ANXA11: variants seen among roughly 807,000 people sequenced by gnomAD.
ANXA11 encodes the protein 56 kDa autoantigen.
In ANXA11, 57 loss-of-function variants were observed where a neutral mutation model predicts 64.7. The observed-to-expected ratio is 0.88, with a 90% CI of 0.71 to 1.10. The LOEUF (loss-of-function observed/expected upper bound fraction) is 1.10, where lower values mean the gene tolerates loss of function less well. ANXA11 is among the 50% of genes least tolerant of loss of function. The pLI is 0.00. For synonymous variants in ANXA11, 260 were observed against 265.2 expected (o/e 0.98, Z 0.19); for missense variants, 675 against 670.7 (o/e 1.01, Z -0.07).
chr10:80,163,805 G>T (rs1233347420), intron 9 of ANXA11, among the ~76,000 whole-genome samples, 192 bp from the exon 10 acceptor site: 1 of 152,196 alleles, frequency 6.6e-6, no homozygotes, highest in Non-Finnish European at 1.5e-5. Context: ...CTGGCCTCTA[G>T]TCAGCCTTGG....
chr10:80,161,171 G>C (rs965066468), intron 12 of ANXA11, among the ~76,000 whole-genome samples: 1 of 152,104 alleles, frequency 6.6e-6, no homozygotes, highest in Non-Finnish European at 1.5e-5. Flanking sequence ...GTCATCAGCA[G>C]GGCCCTCTCC....
intron 9 of ANXA11, 28 bp downstream of exon 9, chr10:80,164,025 G>A (rs1297645643): frequency 6.3e-7 from 1 of 1,591,052 alleles, no homozygotes; most frequent in South Asian, 1.1e-5. Context: ...AGAGGGCAGA[G>A]GGCAGAGGGC....
intron 1 of ANXA11, among the ~76,000 whole-genome samples, chr10:80,183,618 C>T (rs1846434504): frequency 6.6e-6 from 1 of 152,242 alleles, no homozygotes; most frequent in Non-Finnish European, 1.5e-5. Context: ...ACCTGACATC[C>T]CCTCACAGTG....
At chr10:80,193,222 A>G (rs1320104896) in intron 1 of ANXA11, among the ~76,000 whole-genome samples, 1 of 152,264 alleles carries the variant, frequency 6.6e-6, no homozygotes, top group Non-Finnish European at 1.5e-5. Context: ...TTATGGTCAC[A>G]ATAATGCATA....
chr10:80,201,474 T>C (rs1840419096), intron 1 of ANXA11, among the ~76,000 whole-genome samples: 1 of 152,150 alleles, frequency 6.6e-6, no homozygotes, highest in Non-Finnish European at 1.5e-5. Flanking sequence ...GCTTATTTGG[T>C]ATCTCAAAGA....
chr10:80,158,516 A>G (rs1446061723), intron 13 of ANXA11, among the ~76,000 whole-genome samples: 1 of 152,092 alleles, frequency 6.6e-6, no homozygotes, highest in Admixed American at 6.5e-5. Context: ...AGAAAGCTCC[A>G]AAAAAAGCAT....
At chr10:80,171,136 G>A in intron 3 of ANXA11, 1 of 1,461,836 alleles carries the variant, frequency 6.8e-7, no homozygotes, top group Non-Finnish European at 9.0e-7. Flanking sequence ...GGAGGAAGGT[G>A]GAGTTCCCCA....
intron 6 of ANXA11, 22 bp from the exon 7 acceptor site, chr10:80,167,006 G>T: frequency 1.3e-6 from 2 of 1,544,914 alleles, no homozygotes; most frequent in Non-Finnish European, 1.8e-6. Flanking sequence ...GGCAGCAGGG[G>T]TGGGTCGGGT....
At chr10:80,179,305 T>A (rs1041378793) in intron 1 of ANXA11, among the ~76,000 whole-genome samples, 2 of 152,158 alleles carry the variant, frequency 1.3e-5, no homozygotes, top group Non-Finnish European at 2.9e-5. Flanking sequence ...ATGCTTTCCC[T>A]CACTTGGAGA....
chr10:80,184,103 A>G (rs1846450558), intron 1 of ANXA11, among the ~76,000 whole-genome samples: 1 of 152,158 alleles, frequency 6.6e-6, no homozygotes, highest in Admixed American at 6.5e-5. Flanking sequence ...TTCAACAATT[A>G]TCACCTCAAG....
chr10:80,155,967 C>G, intron 15 of ANXA11, 55 bp from the exon 16 acceptor site: 1 of 1,559,858 alleles, frequency 6.4e-7, no homozygotes, highest in Non-Finnish European at 8.8e-7. Context: ...CACTTTCAGC[C>G]TTCTGGGTCC....
intron 1 of ANXA11, among the ~76,000 whole-genome samples, chr10:80,186,917 C>T (rs1846562614): frequency 6.6e-6 from 1 of 152,228 alleles, no homozygotes; most frequent in Non-Finnish European, 1.5e-5. Flanking sequence ...AACAGGCTCA[C>T]ATAAGAGCCA....
rs1845159184 is a variant in ANXA11, at chr10:80,151,649, C to T, written c.*4204G>A. On this transcript the variant is annotated 3_prime_UTR_variant, in exon 16 of 16. Coordinates refer to ENST00000422982, the MANE Select transcript of ANXA11 (RefSeq NM_145868.2). Reference sequence around the variant, plus strand: ...CCACCACTTTGACCGTGGGCACCTGCAAAGGTTCATCTTTCAGCTCCCTCT... The same window carrying T: ...CCACCACTTTGACCGTGGGCACCTGTAAAGGTTCATCTTTCAGCTCCCTCT... The T allele has an allele frequency of 6.6e-6, 1 of 152,200 alleles. No homozygotes were observed. The highest frequency in any genetic ancestry group is 2.1e-4 in the South Asian group (1 of 4,826). The allele number at this position is 152,200 out of a possible 1,614,324, so 9.4% of individuals were successfully genotyped here.
At chr10:80,182,019 C>G (rs1453912096) in intron 1 of ANXA11, among the ~76,000 whole-genome samples, 3 of 152,192 alleles carry the variant, frequency 2.0e-5, no homozygotes, top group Admixed American at 6.5e-5. Context: ...TAATGGCCAA[C>G]AATTTGGAAG....
Position 80,171,630 on chromosome 10 carries a change from G to C in ANXA11, c.56-715C>G, listed in dbSNP as rs913887714. On this transcript the variant is annotated intron_variant, in intron 3 of 15. Transcript: ENST00000422982. ...GTTAACACCTGCAGGGCTCAGCTGGGTGCCCGATGGGCATTCGACATCATC... is the reference window on the plus strand; with the variant it reads ...GTTAACACCTGCAGGGCTCAGCTGGCTGCCCGATGGGCATTCGACATCATC... The C allele has an allele frequency of 1.5e-5, 15 of 985,326 alleles. No individual in the cohort carries two copies. In the African/African-American group the frequency reaches 2.3e-4, roughly 15 times the overall value. 61.0% of individuals were successfully genotyped at this position (985,326 alleles called of 1,614,324 possible).
At chr10:80,166,686 G>A in intron 7 of ANXA11, 1 of 586,904 alleles carries the variant, frequency 1.7e-6, no homozygotes, top group South Asian at 2.0e-5. Flanking sequence ...TAGATGTCTG[G>A]AGCCTCTCAG....
intron 1 of ANXA11, among the ~76,000 whole-genome samples, chr10:80,182,833 A>G (rs200651583): frequency 6.6e-6 from 1 of 152,180 alleles, no homozygotes; most frequent in Non-Finnish European, 1.5e-5. Context: ...TAAGAAATAT[A>G]TATCTGGCAG....
intron 5 of ANXA11, among the ~76,000 whole-genome samples, chr10:80,167,850 C>T (rs1845808402): frequency 6.6e-6 from 1 of 152,200 alleles, no homozygotes; most frequent in Non-Finnish European, 1.5e-5. Flanking sequence ...CGGACTTCCT[C>T]CAGACCCTGA....
chr10:80,172,014 G>T, intron 3 of ANXA11: 2 of 729,620 alleles, frequency 2.7e-6, no homozygotes, highest in Non-Finnish European at 3.4e-6. Context: ...TGGCCTGCAG[G>T]TCTGGGGTGT....
Sources: gnomAD v4.1 joint callset for allele counts (sites outside exome capture counted in the v4.1 genomes callset) on GRCh38, gnomAD v4.1.1 for gene constraint, MANE v1.5 for transcripts, NCBI Gene and HGNC (gene_info 2026-07-23, HGNC 2026-07-21) for gene names.